Variants in ROBO1 observed in about 807,000 individuals in gnomAD.
ROBO1 encodes roundabout guidance receptor 1.
Under a neutral mutation model 195.9 loss-of-function variants are expected in ROBO1, and 149 were observed. That is an observed-to-expected ratio of 0.76 (90% CI 0.67 to 0.87). The LOEUF (loss-of-function observed/expected upper bound fraction) is 0.87. ROBO1 is among the 40% of genes least tolerant of loss of function. ROBO1 has a pLI of 0.00. For synonymous variants in ROBO1, 816 were observed against 733.2 expected (o/e 1.11, Z -1.82); for missense variants, 1,933 against 2,068.3 (o/e 0.93, Z 1.27).
intron 1 of ROBO1, among the ~76,000 whole-genome samples, chr3:79,735,979 C>G (rs1335232847): frequency 6.7e-6 from 1 of 150,370 alleles, no homozygotes; most frequent in Non-Finnish European, 1.5e-5. Flanking sequence ...TAACTATAAA[C>G]AATAAGAAGT....
intron 4 of ROBO1, among the ~76,000 whole-genome samples, chr3:78,800,488 C>T (rs932594761): frequency 7.2e-5 from 11 of 152,116 alleles, no homozygotes; most frequent in African/African-American, 2.2e-4. Flanking sequence ...TACCCTCACC[C>T]GTAATACTAA....
intron 2 of ROBO1, among the ~76,000 whole-genome samples, chr3:79,551,720 G>A (rs995385148): frequency 1.8e-4 from 28 of 151,832 alleles, no homozygotes; most frequent in African/African-American, 6.8e-4. Context: ...GATATCCCTG[G>A]GGTGGTACTT....
chr3:78,990,445 A>C (rs964793757), intron 3 of ROBO1, among the ~76,000 whole-genome samples: 4 of 152,192 alleles, frequency 2.6e-5, no homozygotes, highest in African/African-American at 9.6e-5. Context: ...ATTATAAATA[A>C]GCAACAGTGA....
intron 4 of ROBO1, among the ~76,000 whole-genome samples, chr3:78,906,951 T>C (rs1383746733): frequency 1.3e-5 from 2 of 152,262 alleles, no homozygotes; most frequent in East Asian, 1.9e-4. Context: ...TTCTATCTAC[T>C]TCCTTATTCT....
intron 2 of ROBO1, among the ~76,000 whole-genome samples, chr3:79,564,552 T>C (rs1475094942): frequency 6.6e-6 from 1 of 152,052 alleles, no homozygotes; most frequent in Non-Finnish European, 1.5e-5. Context: ...AGGAGATATT[T>C]TATGAATTGA....
intron 1 of ROBO1, among the ~76,000 whole-genome samples, chr3:79,751,225 T>C (rs928321650): frequency 3.0e-4 from 46 of 152,344 alleles, no homozygotes; most frequent in African/African-American, 1.1e-3. Flanking sequence ...ACTGTGGTAG[T>C]CACTTATTCC....
At chr3:79,357,917 A>G (rs2035620506) in intron 2 of ROBO1, among the ~76,000 whole-genome samples, 1 of 152,164 alleles carries the variant, frequency 6.6e-6, no homozygotes, top group South Asian at 2.1e-4. Context: ...AACAAGAAAT[A>G]AAATATGAAA....
intron 4 of ROBO1, among the ~76,000 whole-genome samples, chr3:78,863,872 C>T (rs2107037284): frequency 6.6e-6 from 1 of 152,238 alleles, no homozygotes; most frequent in East Asian, 1.9e-4. Flanking sequence ...ACATATGTCT[C>T]ATCTGGGATA....
intron 2 of ROBO1, among the ~76,000 whole-genome samples, chr3:79,531,948 A>G (rs1941679378): frequency 6.6e-6 from 1 of 152,172 alleles, no homozygotes; most frequent in Non-Finnish European, 1.5e-5. Context: ...GAGAATTAAG[A>G]GAGAGTAGAG....
At chr3:79,461,314 A>AATCTGGG (rs1362994714) in intron 2 of ROBO1, among the ~76,000 whole-genome samples, 1 of 152,038 alleles carries the variant, frequency 6.6e-6, no homozygotes, top group Non-Finnish European at 1.5e-5. Flanking sequence ...CAAGTTGTGA[A>AATCTGGG]ATCTGGGACT....
intron 2 of ROBO1, among the ~76,000 whole-genome samples, chr3:79,512,265 ACC>A (rs1940746145): frequency 7.6e-6 from 1 of 131,304 alleles, no homozygotes; most frequent in Admixed American, 8.6e-5. Flanking sequence ...CTGAATTCCC[ACC>A]AAGATTTTAT....
chr3:79,699,640 A>C (rs929299561), intron 1 of ROBO1, among the ~76,000 whole-genome samples: 1 of 151,246 alleles, frequency 6.6e-6, no homozygotes, highest in Admixed American at 6.6e-5. Flanking sequence ...GCTATTTATT[A>C]AAACGTATGT....
chr3:78,710,058 G>A (rs1273407591), intron 8 of ROBO1, among the ~76,000 whole-genome samples: 1 of 152,034 alleles, frequency 6.6e-6, no homozygotes, highest in African/African-American at 2.4e-5. Context: ...ATAATAGCCC[G>A]TAAGGATTTT....
chr3:78,736,516 T>C (rs1199702935), intron 5 of ROBO1, among the ~76,000 whole-genome samples: 1 of 152,048 alleles, frequency 6.6e-6, no homozygotes, highest in African/African-American at 2.4e-5. Context: ...ATGAGTGTGT[T>C]AGACAAAGTG....
intron 4 of ROBO1, among the ~76,000 whole-genome samples, chr3:78,801,560 A>G (rs536276638): frequency 4.6e-4 from 70 of 152,272 alleles, no homozygotes; most frequent in Non-Finnish European, 8.7e-4. Context: ...AAATTTTTAA[A>G]TAGAAAAAAT....
intron 3 of ROBO1, among the ~76,000 whole-genome samples, chr3:79,020,972 A>G (rs1220065122): frequency 6.6e-6 from 1 of 152,264 alleles, no homozygotes; most frequent in African/African-American, 2.4e-5. Flanking sequence ...TACCTAATGG[A>G]AGATAAAAAT....
intron 1 of ROBO1, among the ~76,000 whole-genome samples, chr3:79,609,542 A>G (rs919181317): frequency 6.6e-6 from 1 of 151,988 alleles, no homozygotes; most frequent in Non-Finnish European, 1.5e-5. Flanking sequence ...CTGAAAAAAT[A>G]TTTGTACATT....
intron 2 of ROBO1, among the ~76,000 whole-genome samples, chr3:79,339,985 C>A (rs1336072872): frequency 2.0e-5 from 3 of 152,184 alleles, no homozygotes; most frequent in African/African-American, 7.2e-5. Context: ...ACAGGCCTAT[C>A]AAGTTCCAAC....
chr3:79,701,070 T>A (rs1947609140), intron 1 of ROBO1, among the ~76,000 whole-genome samples: 1 of 151,900 alleles, frequency 6.6e-6, no homozygotes, highest in South Asian at 2.1e-4. Flanking sequence ...TCACCATTTA[T>A]CGAATAGAGA....
Sources: allele counts gnomAD v4.1 joint callset (sites outside exome capture counted in the v4.1 genomes callset), GRCh38; gene constraint gnomAD v4.1.1; transcripts MANE v1.5; gene names NCBI Gene and HGNC (gene_info 2026-07-23, HGNC 2026-07-21).